Variants in STK39 observed in about 807,000 individuals in gnomAD.
The protein encoded by STK39 is STE20/SPS1-related proline-alanine-rich protein kinase.
A neutral mutation model predicts 77.8 loss-of-function variants in STK39; 20 were observed. That is an observed-to-expected ratio of 0.26 (90% CI 0.18 to 0.37). STK39 has a LOEUF of 0.37. Ranked by LOEUF, STK39 falls within the 10% of genes least tolerant of loss-of-function variation. STK39 has a pLI of 1.00. For missense variants in STK39, 479 were observed against 656.5 expected (o/e 0.73, Z 2.95); for synonymous variants, 246 against 234.1 (o/e 1.05, Z -0.47).
chr2:168,143,779 A>G (rs2105538949), intron 5 of STK39, among the ~76,000 whole-genome samples: 1 of 152,140 alleles, frequency 6.6e-6, no homozygotes, highest in Admixed American at 6.5e-5. Flanking sequence ...CTTCAGCATA[A>G]CACGTAAACC....
chr2:168,038,821 A>T (rs189613556), intron 14 of STK39, among the ~76,000 whole-genome samples: 147 of 152,332 alleles, frequency 9.6e-4, no homozygotes, highest in African/African-American at 3.4e-3. Flanking sequence ...TAATCAGAGA[A>T]ATGAAAGTTA....
At chr2:168,171,256 C>T (rs988950359) in intron 2 of STK39, among the ~76,000 whole-genome samples, 14 of 152,102 alleles carry the variant, frequency 9.2e-5, no homozygotes, top group African/African-American at 3.1e-4. Flanking sequence ...ACAGCAGCAC[C>T]CCTCTGCAGG....
chr2:168,116,498 A>C (rs1184720498), intron 10 of STK39, among the ~76,000 whole-genome samples: 1 of 152,218 alleles, frequency 6.6e-6, no homozygotes, highest in Non-Finnish European at 1.5e-5. Context: ...GTAAAAAAAT[A>C]TATTTTTAAA....
chr2:168,010,462 C>T (rs1684243751), intron 16 of STK39, among the ~76,000 whole-genome samples: 1 of 152,166 alleles, frequency 6.6e-6, no homozygotes, highest in Non-Finnish European at 1.5e-5. Flanking sequence ...TCTCAGCTTC[C>T]CTCTCACATT....
At chr2:168,233,482 C>T (rs1690513780) in intron 1 of STK39, among the ~76,000 whole-genome samples, 1 of 152,166 alleles carries the variant, frequency 6.6e-6, no homozygotes, top group Non-Finnish European at 1.5e-5. Context: ...CCCAAAAGAG[C>T]AGGTATCCTA....
chr2:168,171,431 A>G (rs1688820705), intron 2 of STK39, among the ~76,000 whole-genome samples: 2 of 151,956 alleles, frequency 1.3e-5, no homozygotes, highest in African/African-American at 4.8e-5. Context: ...TGGGAGGAAA[A>G]AACTTCCCCT....
intron 1 of STK39, among the ~76,000 whole-genome samples, chr2:168,220,984 T>A (rs967667511): frequency 5.9e-5 from 9 of 152,182 alleles, no homozygotes; most frequent in African/African-American, 1.7e-4. Context: ...ATAATGGTGA[T>A]TCCTCTTGTT....
chr2:168,012,819 C>T, intron 15 of STK39, 117 bp from the exon 16 acceptor site: 1 of 707,380 alleles, frequency 1.4e-6, no homozygotes, highest in Non-Finnish European at 2.1e-6. Context: ...TTTAATTCAA[C>T]AATTCAGACT....
chr2:167,984,615 G>T (rs990710533), intron 16 of STK39, among the ~76,000 whole-genome samples: 14 of 152,086 alleles, frequency 9.2e-5, no homozygotes, highest in African/African-American at 3.4e-4. Context: ...TAGGACACTG[G>T]TTAATAATGA....
chr2:168,210,760 T>A (rs1689869781), intron 1 of STK39, among the ~76,000 whole-genome samples: 1 of 152,106 alleles, frequency 6.6e-6, no homozygotes, highest in Non-Finnish European at 1.5e-5. Context: ...CCTCAAATGA[T>A]CCTCTCACCT....
intron 10 of STK39, among the ~76,000 whole-genome samples, chr2:168,092,903 AC>A (rs1345338841): frequency 2.0e-5 from 3 of 152,192 alleles, no homozygotes; most frequent in African/African-American, 7.2e-5. Context: ...TGTGCAGGCT[AC>A]GCACTCCCAG....
intron 1 of STK39, among the ~76,000 whole-genome samples, chr2:168,229,687 G>A (rs1328917898): frequency 1.3e-5 from 2 of 152,114 alleles, no homozygotes; most frequent in African/African-American, 2.4e-5. Context: ...GTTATTTTTC[G>A]GGCTGTGACA....
chr2:167,956,696 A>ACACACACACACCCC (rs776309488), intron 17 of STK39, among the ~76,000 whole-genome samples: 1 of 48,996 alleles, frequency 2.0e-5, no homozygotes, highest in African/African-American at 8.0e-5. Flanking sequence ...ACACACACAC[A>ACACACACACACCCC]CTCTCTCTCT....
chr2:168,197,945 G>A (rs978521961), intron 1 of STK39, among the ~76,000 whole-genome samples: 5 of 151,946 alleles, frequency 3.3e-5, no homozygotes, highest in African/African-American at 1.2e-4. Context: ...GGCTGAGGCA[G>A]GAGAATCACT....
intron 16 of STK39, among the ~76,000 whole-genome samples, chr2:167,978,901 TATC>T (rs2105263903): frequency 6.6e-6 from 1 of 152,310 alleles, no homozygotes; most frequent in East Asian, 1.9e-4. Context: ...TTCTCTCACA[TATC>T]ATAATTATTT....
chr2:168,019,195 C>A (rs554106142), intron 14 of STK39, among the ~76,000 whole-genome samples: 1 of 152,144 alleles, frequency 6.6e-6, no homozygotes, highest in East Asian at 1.9e-4. Flanking sequence ...TGGATCCTCA[C>A]CCTAAAAGAA....
At chr2:168,240,300 C>G (rs116311695) in intron 1 of STK39, among the ~76,000 whole-genome samples, 2,214 of 152,276 alleles carry the variant, frequency 0.015, 25 homozygotes, top group Non-Finnish European at 0.025. Context: ...GACGGGAGAG[C>G]TACTAAAGGC....
At chr2:167,986,214 A>C (rs546151921) in intron 16 of STK39, among the ~76,000 whole-genome samples, 1 of 152,298 alleles carries the variant, frequency 6.6e-6, no homozygotes, top group South Asian at 2.1e-4. Flanking sequence ...ATTATCAAAA[A>C]GTTTTTTTGC....
At chr2:168,159,334 T>G (rs1046782578) in intron 5 of STK39, among the ~76,000 whole-genome samples, 6 of 152,136 alleles carry the variant, frequency 3.9e-5, no homozygotes, top group African/African-American at 1.4e-4. Context: ...GTCTCACCCC[T>G]GCCGTTGCTG....
Sources: gnomAD v4.1 joint callset for allele counts (sites outside exome capture counted in the v4.1 genomes callset) on GRCh38, gnomAD v4.1.1 for gene constraint, MANE v1.5 for transcripts, NCBI Gene and HGNC (gene_info 2026-07-23, HGNC 2026-07-21) for gene names.